TTN: variants seen among roughly 807,000 people sequenced by gnomAD.
The protein encoded by TTN is connectin.
Under a neutral mutation model 3,223.0 loss-of-function variants are expected in TTN, and 1,525 were observed. That is an observed-to-expected ratio of 0.47 (90% CI 0.45 to 0.49). TTN has a LOEUF of 0.49. TTN is among the 20% of genes least tolerant of loss of function. The pLI is 0.00. For missense variants in TTN, 40,786 were observed against 43,424.0 expected, an observed-to-expected ratio of 0.94 and a Z score of 5.40; for synonymous variants, 14,094 against 15,161.0, an observed-to-expected ratio of 0.93 and a Z score of 5.17.
intron 112 of TTN, 114 bp downstream of exon 112, chr2:178,698,729 G>A: frequency 1.1e-6 from 1 of 939,520 alleles, no homozygotes. Flanking sequence ...TGAAGGGAGA[G>A]GTACCATTTT....
rs1207620888 is a variant in TTN at position 178,635,901 on chromosome 2, C to T, written c.41608+62G>A. 2.0e-6 allele frequency: 3 copies of T among 1,534,242 alleles called. No individual in the cohort carries two copies. The East Asian group carries it at 6.8e-5, about 35-fold the overall frequency. On this transcript the variant is annotated intron_variant, in intron 226 of 362. Transcript: ENST00000589042. Reference sequence around the variant, plus strand: ...ATATTGTAATACTGGGAAACGAGGTCCTTTCTTCCATTTTCTTAGTGTAAC... The same window carrying T: ...ATATTGTAATACTGGGAAACGAGGTTCTTTCTTCCATTTTCTTAGTGTAAC...
rs149444624 is a variant in TTN at position 178,526,047 on chromosome 2, A to T, written c.*965T>A. 2.6e-4 allele frequency: 39 copies of T among 152,778 alleles called. No individual in the cohort carries two copies. Among genetic ancestry groups the T allele is most frequent in the African/African-American group, 9.1e-4 (38 of 41,578 alleles). 9.5% of individuals were successfully genotyped at this position (152,778 alleles called of 1,614,324 possible). A position where few individuals can be genotyped will look rare whatever the true frequency, so the allele number is the denominator to read the frequency against. On this transcript the variant is annotated 3_prime_UTR_variant, in exon 363 of 363. Transcript: ENST00000589042. Reference sequence around the variant, plus strand: ...GTTACTATCTCAAGGAGGTCCAACAATTATAACTAACAATTGAATTTATAC... The same window carrying T: ...GTTACTATCTCAAGGAGGTCCAACATTTATAACTAACAATTGAATTTATAC...
rs1361091737 is a variant in TTN at position 178,701,121 on chromosome 2, T to G, written c.30681A>C (p.Glu10227Asp). Residue 10227 changes from glutamate to aspartate, a missense_variant and splice_region_variant, in exon 111 of 363, where the codon GAA (glutamate) becomes GAC (aspartate). Transcript: ENST00000589042. ...EEKKPPPKRIEVTKKAVKKDA... is the reference protein window; with the variant it reads ...EEKKPPPKRIDVTKKAVKKDA... Reference sequence around the variant, plus strand: ...ATCTAGGTAGATGAGGTATAATACCTTCAATACGTTTTGGTGGTGGTTTCT... The same window carrying G: ...ATCTAGGTAGATGAGGTATAATACCGTCAATACGTTTTGGTGGTGGTTTCT... 1.2e-6 allele frequency: 2 copies of G among 1,613,608 alleles called. No individual in the cohort carries two copies. The highest frequency in any genetic ancestry group is 1.7e-6 in the Non-Finnish European group (2 of 1,179,598).
chr2:178,634,489 A>G lies in TTN; in HGVS notation c.42292T>C (p.Phe14098Leu), dbSNP rs764819276. Residue 14098 changes from phenylalanine to leucine, a missense_variant, in exon 230 of 363, where the codon TTT (phenylalanine) becomes CTT (leucine). By Grantham distance (22) the Phe-to-Leu change is conservative. Coordinates refer to ENST00000589042, the MANE Select transcript of TTN (RefSeq NM_001267550.2). The surrounding 1 kb of genome is among the most constrained non-coding windows in gnomAD (Gnocchi z 4.6). The stretch of plus-strand genomic sequence containing the variant: ...TTCTTTCCATCAGCGATGATATCAA[A>G]TTTGTCAGATGACTTAATTATATCA... ...GPDIIKSSDKFDIIADGKKHI... is the reference protein window; with the variant it reads ...GPDIIKSSDKLDIIADGKKHI... The G allele has an allele frequency of 4.3e-6, 7 of 1,613,208 alleles. No homozygotes were observed. The highest frequency in any genetic ancestry group is 1.7e-5 in the Admixed American group (1 of 59,964).
Position 178,804,617 on chromosome 2 carries a change from G to A in TTN, c.26C>T (p.Thr9Met), listed in dbSNP as rs146123323. 17 of 1,613,812 alleles carry A rather than the reference G, an allele frequency of 1.1e-5. No homozygotes were observed. Among genetic ancestry groups the A allele is most frequent in the African/African-American group, 9.3e-5 (7 of 74,928 alleles). Residue 9 changes from threonine (T) to methionine (M), a missense_variant, in exon 2 of 363, where the codon ACG becomes ATG. By Grantham distance (81) the Thr-to-Met change is moderately conservative. Transcript: ENST00000589042. MTTQAPTF[T>M]QPLQSVVVLE... The stretch of plus-strand genomic sequence containing the variant: ...TACCACAACGCTTTGTAACGGCTGC[G>A]TAAACGTCGGTGCTTGAGTTGTCAT...
Position 178,541,497 on chromosome 2 carries a change from C to T in TTN, c.97580G>A (p.Gly32527Asp), listed in dbSNP as rs776701934. Reference protein sequence around the residue: ...TLTWYPPEDDGGSQVTGYIVE... With the variant: ...TLTWYPPEDDDGSQVTGYIVE... ...AATATATCCAGTCACTTGGGAGCCA[C>T]CGTCATCCTCTGGTGGGTACCAAGT... Residue 32527 changes from glycine to aspartate, a missense_variant, in exon 350 of 363, where the codon GGT becomes GAT. Transcript: ENST00000589042. 9 of 1,613,302 alleles carry T rather than the reference C, an allele frequency of 5.6e-6. No homozygotes were observed. Among genetic ancestry groups the T allele is most frequent in the African/African-American group, 5.3e-5 (4 of 74,884 alleles).
In TTN at chr2:178,529,120, G is replaced by A; in HGVS notation, c.106631C>T (p.Ala35544Val). 1 of 1,592,064 alleles carries A rather than the reference G, an allele frequency of 6.3e-7. No individual in the cohort carries two copies. The highest frequency in any genetic ancestry group is 8.5e-7 in the Non-Finnish European group (1 of 1,171,122). ...AVVQEEISQK[A>V]LRSEEIKMSE... The stretch of plus-strand genomic sequence containing the variant: ...CATCTTAATTTCTTCAGACCTTAGG[G>A]CTTTTTGGGAAATTTCCTCTTGGAC... The change falls in exon 360 of 363, where the codon GCC becomes GTC. Residue 35544 changes from alanine to valine, a missense_variant. Coordinates refer to ENST00000589042, the MANE Select transcript of TTN (RefSeq NM_001267550.2).
intron 107 of TTN, 88 bp from the exon 108 acceptor site, chr2:178,702,333 C>T: frequency 6.2e-7 from 1 of 1,604,998 alleles, no homozygotes; most frequent in Non-Finnish European, 8.5e-7. Flanking sequence ...TTTATTTACA[C>T]TTGTCTTTTC....
rs747319436 is a variant in TTN at position 178,605,431 on chromosome 2, A to G, written c.53864T>C (p.Val17955Ala). ...ESEPSLPLNV[V>A]IQDDEVPPTI... is the part of the protein sequence containing the mutation. ...TTCCGCACCTTCATCATCTTGTATG[A>G]CTACATTAAGAGGTAGGGATGGTTC... is the stretch of plus-strand genomic sequence containing the variant. Residue 17955 changes from valine (V) to alanine (A), a missense_variant, in exon 279 of 363, where the codon GTC (valine) becomes GCC (alanine). Physicochemically the swap from Val to Ala is moderately conservative, Grantham distance 64. Coordinates refer to ENST00000589042, the MANE Select transcript of TTN (RefSeq NM_001267550.2). The G allele has an allele frequency of 1.9e-6, 3 of 1,600,366 alleles. No individual in the cohort carries two copies. In the South Asian group the frequency reaches 3.4e-5, roughly 18 times the overall value.
chr2:178,804,623 G>T lies in TTN; in HGVS notation c.20C>A (p.Thr7Lys), dbSNP rs761344572. MTTQAPTFTQPLQSVVV... is the reference protein window; with the variant it reads MTTQAPKFTQPLQSVVV... Reference sequence around the variant, plus strand: ...AACGCTTTGTAACGGCTGCGTAAACGTCGGTGCTTGAGTTGTCATCTTTCT... The same window carrying T: ...AACGCTTTGTAACGGCTGCGTAAACTTCGGTGCTTGAGTTGTCATCTTTCT... The change falls in exon 2 of 363, where the codon ACG becomes AAG. Residue 7 changes from threonine (T) to lysine (K), a missense_variant. Coordinates refer to ENST00000589042, the MANE Select transcript of TTN (RefSeq NM_001267550.2). The T allele has an allele frequency of 1.2e-6, 2 of 1,613,900 alleles. No individual in the cohort carries two copies. The highest frequency in any genetic ancestry group is 1.3e-5 in the African/African-American group (1 of 75,024).
Position 178,724,277 on chromosome 2 carries a change from G to T in TTN, c.21098C>A (p.Ala7033Asp), listed in dbSNP as rs1176798251. 6.2e-7 allele frequency: 1 copy of T among 1,613,066 alleles called. No individual in the cohort carries two copies. Among genetic ancestry groups the T allele is most frequent in the African/African-American group, 1.3e-5 (1 of 74,878 alleles). Residue 7033 changes from alanine (A) to aspartate (D), a missense_variant, in exon 72 of 363, where the codon GCT becomes GAT. Coordinates refer to ENST00000589042, the MANE Select transcript of TTN (RefSeq NM_001267550.2). Reference protein sequence around the residue: ...QNNVGKSSCTAVVDVSDRAVP... With the variant: ...QNNVGKSSCTDVVDVSDRAVP... ...GAACTAACCTGAAACATCAACCACAGCTGTGCAGCTGCTTTTCCCAACATT... is the reference window on the plus strand; with the variant it reads ...GAACTAACCTGAAACATCAACCACATCTGTGCAGCTGCTTTTCCCAACATT...
In TTN at chr2:178,768,845, G is replaced by C; in HGVS notation, c.8991C>G (p.Ile2997Met). ...CACCATTCTTTAACCATTTGTAAGA[G>C]ATGCCTTCATAGTTCACTGTCACCT... The part of the protein sequence containing the change: ...TFEVTVNYEG[I>M]SYKWLKNGVE... Residue 2997 changes from isoleucine (I) to methionine (M), a missense_variant, in exon 38 of 363, where the codon ATC becomes ATG. Ile to Met is a conservative substitution (Grantham distance 10). Transcript: ENST00000589042. 1 of 1,614,074 alleles carries C rather than the reference G, an allele frequency of 6.2e-7. No homozygotes were observed. Among genetic ancestry groups the C allele is most frequent in the Non-Finnish European group, 8.5e-7 (1 of 1,180,008 alleles).
chr2:178,746,740 T>C lies in TTN; in HGVS notation c.11312-4819A>G, dbSNP rs876657621. ...TTCTTTCATCTGGCTCTAGTAAAGA[T>C]TTATTTCGATACCATTTCACACCAG... On this transcript the variant is annotated intron_variant, in intron 47 of 362. Transcript: ENST00000589042. 1 of 1,613,428 alleles carries C rather than the reference T, an allele frequency of 6.2e-7. No individual in the cohort carries two copies. Among genetic ancestry groups the C allele is most frequent in the Non-Finnish European group, 8.5e-7 (1 of 1,179,590 alleles).
intron 107 of TTN, 50 bp from the exon 108 acceptor site, chr2:178,702,295 C>G: frequency 6.2e-7 from 1 of 1,611,280 alleles, no homozygotes; most frequent in Non-Finnish European, 8.5e-7. Flanking sequence ...TTGCAAATAA[C>G]ACTTCTTTAC....
intron 152 of TTN, 72 bp from the exon 153 acceptor site, chr2:178,672,775 C>T (rs1253443568): frequency 2.4e-6 from 3 of 1,241,686 alleles, no homozygotes; most frequent in Non-Finnish European, 3.4e-6. Flanking sequence ...ACACCAGAGA[C>T]AACGCCAACA....
rs2059719746 is a variant in TTN at position 178,630,908 on chromosome 2, C to G, written c.44050G>C (p.Val14684Leu). 6.2e-7 allele frequency: 1 copy of G among 1,613,220 alleles called. No individual in the cohort carries two copies. Among genetic ancestry groups the G allele is most frequent in the Admixed American group, 1.7e-5 (1 of 59,952 alleles). ...EIKLVRPLHS[V>L]EVMETETARF... ...GCTGTCTCAGTCTCCATCACCTCCA[C>G]ACTGTGCAGGGGTCGCACCAGTTTA... The change falls in exon 238 of 363, where the codon GTG (valine) becomes CTG (leucine). Residue 14684 changes from valine to leucine, a missense_variant. Physicochemically the swap from Val to Leu is conservative, Grantham distance 32 (BLOSUM62 1). Transcript: ENST00000589042.
Position 178,557,502 on chromosome 2 carries a change from T to A in TTN, c.87760A>T (p.Ile29254Phe). 1 of 1,613,950 alleles carries A rather than the reference T, an allele frequency of 6.2e-7. No homozygotes were observed. Residue 29254 changes from isoleucine (I) to phenylalanine (F), a missense_variant, in exon 329 of 363, where the codon ATC (isoleucine) becomes TTC (phenylalanine). Physicochemically the swap from Ile to Phe is conservative, Grantham distance 21. Transcript: ENST00000589042. ...ACTGGTTCATGCCAGCCCACAGTGATGCTTTCTCGAGTAACATTAGTGACC... is the reference window on the plus strand; with the variant it reads ...ACTGGTTCATGCCAGCCCACAGTGAAGCTTTCTCGAGTAACATTAGTGACC... ...PWVTNVTRESITVGWHEPVSN... is the reference protein window; with the variant it reads ...PWVTNVTRESFTVGWHEPVSN...
chr2:178,684,881 G>GA lies in TTN; in HGVS notation c.32554+24dup, dbSNP rs545003257. 2.1e-3 allele frequency: 3,348 copies of GA among 1,573,102 alleles called. 52 individuals carry two copies. The highest frequency in any genetic ancestry group is 0.021 in the South Asian group (1,793 of 85,714). On this transcript the variant is annotated intron_variant, in intron 130 of 362. Transcript: ENST00000589042. The stretch of plus-strand genomic sequence containing the variant: ...TTTAAGATTAAAAAAAGACAGTCTT[G>GA]AGAATAAAATAAAATCCAATATACC...
rs778382347 is a variant in TTN at position 178,712,696 on chromosome 2, C to T, written c.27328+1G>A. 3 of 1,611,254 alleles carry T rather than the reference C, an allele frequency of 1.9e-6. No homozygotes were observed. The highest frequency in any genetic ancestry group is 1.1e-5 in the South Asian group (1 of 90,972). On this transcript the variant is annotated splice_donor_variant, in intron 94 of 362. Coordinates refer to ENST00000589042, the MANE Select transcript of TTN (RefSeq NM_001267550.2). LOFTEE classifies it high-confidence loss of function. Reference sequence around the variant, plus strand: ...AAATCTAGAAGAGCAGTCTGACAAACCTTTTATGTAGAGATGTGTTGTACA... The same window carrying T: ...AAATCTAGAAGAGCAGTCTGACAAATCTTTTATGTAGAGATGTGTTGTACA...
Sources: gnomAD v4.1 joint callset for allele counts on GRCh38, gnomAD v4.1.1 for gene constraint, Gnocchi (gnomAD v3.1) non-coding constraint, MANE v1.5 for transcripts, NCBI Gene and HGNC (gene_info 2026-07-23, HGNC 2026-07-21) for gene names.